The following BRAF variants were observed in gnomAD, a reference collection of about 807,000 sequenced individuals.
BRAF encodes the protein serine/threonine-protein kinase B-raf.
BRAF carries 16 observed loss-of-function variants against 104.6 expected under a neutral mutation model. The observed-to-expected ratio is 0.15, with a 90% CI of 0.10 to 0.23. The LOEUF (loss-of-function observed/expected upper bound fraction) is 0.23. BRAF is among the 10% of genes least tolerant of loss of function. BRAF has a pLI of 1.00. For synonymous variants in BRAF, 310 were observed against 341.6 expected, an observed-to-expected ratio of 0.91 and a Z score of 1.02; for missense variants, 541 against 937.3, an observed-to-expected ratio of 0.58 and a Z score of 5.52.
At chr7:140,874,492 G>A (rs1291478851) in intron 1 of BRAF, among the ~76,000 whole-genome samples, 2 of 138,872 alleles carry the variant, frequency 1.4e-5, no homozygotes, top group Non-Finnish European at 3.0e-5. Flanking sequence ...GAGCCACCGC[G>A]ACTGGCCTAA....
intron 3 of BRAF, among the ~76,000 whole-genome samples, chr7:140,814,405 C>T (rs1016917075): frequency 2.0e-5 from 3 of 152,134 alleles, no homozygotes; most frequent in Admixed American, 1.3e-4. Context: ...TGGCTCATGC[C>T]TGTAATCCCA....
chr7:140,920,978 G>C (rs559232684), intron 1 of BRAF, among the ~76,000 whole-genome samples: 30 of 152,260 alleles, frequency 2.0e-4, no homozygotes, highest in Non-Finnish European at 3.7e-4. Context: ...TTGCAAAGAT[G>C]TATTTTAATA....
At chr7:140,749,705 TG>T (rs1471690195) in intron 16 of BRAF, among the ~76,000 whole-genome samples, 1 of 152,238 alleles carries the variant, frequency 6.6e-6, no homozygotes, top group Non-Finnish European at 1.5e-5. Context: ...CATTGCCAGA[TG>T]AATTCTTCCC....
chr7:140,914,152 G>T (rs6961127), intron 1 of BRAF, among the ~76,000 whole-genome samples: 45,654 of 152,070 alleles, frequency 0.3, 10,938 homozygotes, highest in African/African-American at 0.67. Flanking sequence ...AAAATCAACA[G>T]AAAACACTAC....
rs367700696 is a variant in BRAF at position 140,838,091 on chromosome 7, CA to C, written c.241-3220del. 7.4e-4 allele frequency among the ~76,000 whole-genome samples: 113 copies of C among 152,300 alleles called. 1 individual carries two copies. Among genetic ancestry groups the C allele is most frequent in the African/African-American group, 2.2e-3 (93 of 41,572 alleles). On this transcript the variant is annotated intron_variant, in intron 2 of 19. Transcript: ENST00000644969. ...ACCACCACCATTTCTTTTGGTTATT[CA>C]AGATGCTGCAGATACCAGATACCAC...
At position 140,859,634 on chromosome 7, in the gene BRAF, A is replaced by G. The variant is rs116246773; in HGVS notation, c.139-9422T>C. 7.7e-3 allele frequency among the ~76,000 whole-genome samples: 1,166 copies of G among 152,188 alleles called. 17 individuals carry two copies. The highest frequency in any genetic ancestry group is 0.027 in the African/African-American group (1,100 of 41,498). On this transcript the variant is annotated intron_variant, in intron 1 of 19. Coordinates refer to ENST00000644969, the MANE Select transcript of BRAF (RefSeq NM_001374258.1). ...ATAAATTCAGTGTAGTGCAATAAAC[A>G]AAATTCCAAAAATAATTTTTCCCCC...
At chr7:140,842,474 GTA>G (rs1808069798) in intron 2 of BRAF, among the ~76,000 whole-genome samples, 2 of 152,174 alleles carry the variant, frequency 1.3e-5, no homozygotes, top group African/African-American at 4.8e-5. Flanking sequence ...AAATTCTGAA[GTA>G]GTTAGGACTC....
chr7:140,910,991 A>T (rs1816907067), intron 1 of BRAF, among the ~76,000 whole-genome samples: 1 of 152,194 alleles, frequency 6.6e-6, no homozygotes, highest in South Asian at 2.1e-4. Context: ...AGGACTGAAG[A>T]ACTCAGTGCT....
chr7:140,716,051 T>C (rs1319016276), downstream of BRAF, among the ~76,000 whole-genome samples: 3 of 152,234 alleles, frequency 2.0e-5, no homozygotes, highest in Non-Finnish European at 4.4e-5. Context: ...CATATAAATA[T>C]ACTTGTGTAC....
intron 2 of BRAF, among the ~76,000 whole-genome samples, chr7:140,840,743 A>G (rs1296785227): frequency 6.7e-6 from 1 of 150,230 alleles, no homozygotes; most frequent in Admixed American, 6.6e-5. Flanking sequence ...GTCAGTCGAG[A>G]TGGTGCCCCT....
Position 140,724,317 on chromosome 7 carries a change from T to C in BRAF, c.*2177A>G, listed in dbSNP as rs1795479098. On this transcript the variant is annotated 3_prime_UTR_variant, in exon 20 of 20. Transcript: ENST00000644969. ...CCCAGGTCTCTCTACCTGCGGAAACTTGAAGCCAATCTTGGTAAAGGGAAC... is the reference window on the plus strand; with the variant it reads ...CCCAGGTCTCTCTACCTGCGGAAACCTGAAGCCAATCTTGGTAAAGGGAAC... 1 of 1,056,222 alleles carries C rather than the reference T, an allele frequency of 9.5e-7. No homozygotes were observed. Among genetic ancestry groups the C allele is most frequent in the Non-Finnish European group, 1.1e-6 (1 of 873,624 alleles). The allele number at this position is 1,056,222 out of a possible 1,614,324, so 65.4% of individuals were successfully genotyped here.
intron 3 of BRAF, among the ~76,000 whole-genome samples, chr7:140,810,114 A>C (rs1804084065): frequency 6.6e-6 from 1 of 152,218 alleles, no homozygotes; most frequent in Non-Finnish European, 1.5e-5. Context: ...GTTTCCAAAG[A>C]AATTGGGAAT....
intron 9 of BRAF, among the ~76,000 whole-genome samples, chr7:140,786,715 A>G (rs1036884693): frequency 2.0e-5 from 3 of 152,212 alleles, no homozygotes; most frequent in African/African-American, 7.2e-5. Flanking sequence ...ACTTCCAGAA[A>G]GTTGAAGGAA....
chr7:140,919,936 G>A (rs992030643), intron 1 of BRAF, among the ~76,000 whole-genome samples: 3 of 151,942 alleles, frequency 2.0e-5, no homozygotes, highest in Middle Eastern at 3.2e-3. Context: ...TCGAACTTCA[G>A]GGCTCAAGTG....
At chr7:140,898,083 C>G (rs1232135953) in intron 1 of BRAF, among the ~76,000 whole-genome samples, 1 of 152,070 alleles carries the variant, frequency 6.6e-6, no homozygotes, top group African/African-American at 2.4e-5. Context: ...GTGCATTTGT[C>G]CCAGTTACTT....
At chr7:140,839,160 C>T (rs1226773374) in intron 2 of BRAF, among the ~76,000 whole-genome samples, 2 of 152,006 alleles carry the variant, frequency 1.3e-5, no homozygotes, top group Non-Finnish European at 2.9e-5. Context: ...TGGGCTACTA[C>T]CTCACAACAT....
Position 140,724,624 on chromosome 7 carries a change from T to C in BRAF, c.*1870A>G, listed in dbSNP as rs1409140076. 49 of 1,036,946 alleles carry C rather than the reference T, an allele frequency of 4.7e-5. No individual in the cohort carries two copies. The highest frequency in any genetic ancestry group is 5.5e-5 in the Non-Finnish European group (47 of 861,246). 64.2% of individuals were successfully genotyped at this position (1,036,946 alleles called of 1,614,324 possible). A position where few individuals can be genotyped will look rare whatever the true frequency, so the allele number is the denominator to read the frequency against. ...TTCAATAGGCTTTCTTCTGAATACA[T>C]GTATGTTAGCAAAAATCTAATGGTA... On this transcript the variant is annotated 3_prime_UTR_variant, in exon 20 of 20. Transcript: ENST00000644969.
intron 1 of BRAF, among the ~76,000 whole-genome samples, chr7:140,903,437 C>A (rs1013518788): frequency 6.6e-6 from 1 of 152,112 alleles, no homozygotes; most frequent in African/African-American, 2.4e-5. Flanking sequence ...TGAGACCCAC[C>A]GCTCAGAAAA....
At chr7:140,789,757 T>C (rs1219852772) in intron 8 of BRAF, among the ~76,000 whole-genome samples, 6 of 152,194 alleles carry the variant, frequency 3.9e-5, no homozygotes, top group Non-Finnish European at 7.4e-5. Flanking sequence ...TGAGATGAAG[T>C]CTTGCTCTTG....
Sources: gnomAD v4.1 joint callset for allele counts (sites outside exome capture counted in the v4.1 genomes callset) on GRCh38, gnomAD v4.1.1 for gene constraint, MANE v1.5 for transcripts, NCBI Gene and HGNC (gene_info 2026-07-23, HGNC 2026-07-21) for gene names.